Variants in MGMT observed in about 807,000 individuals in gnomAD.
The protein encoded by MGMT is methylated-DNA--protein-cysteine methyltransferase.
Under a neutral mutation model 15.9 loss-of-function variants are expected in MGMT, and 14 were observed. That is an observed-to-expected ratio of 0.88 (90% CI 0.58 to 1.37). The LOEUF (loss-of-function observed/expected upper bound fraction) is 1.37, where lower values mean the gene tolerates loss of function less well. MGMT is among the 40% of genes most tolerant of loss of function. The probability of loss-of-function intolerance (pLI) is 0.00; values close to 1 mark genes in which losing one functional copy is unlikely to be tolerated. For synonymous variants in MGMT, 130 were observed against 118.2 expected (o/e 1.10, Z -0.65); for missense variants, 282 against 268.1 (o/e 1.05, Z -0.36).
At chr10:129,696,860 G>A (rs1009347511) in intron 2 of MGMT, among the ~76,000 whole-genome samples, 2 of 152,342 alleles carry the variant, frequency 1.3e-5, no homozygotes, top group African/African-American at 2.4e-5. Flanking sequence ...CTGTGCATTC[G>A]TCAAGCCATT....
In MGMT at chr10:129,770,863, C is replaced by T. The variant is rs988127074; in HGVS notation, c.*3866C>T. On this transcript the variant is annotated 3_prime_UTR_variant, in exon 5 of 5. Transcript: ENST00000651593. ...GGCAGTGGAGTCCCCGGAAACAGTCCAAGGCCCTGGGGTGGGGGATTTAAA... is the reference window on the plus strand; with the variant it reads ...GGCAGTGGAGTCCCCGGAAACAGTCTAAGGCCCTGGGGTGGGGGATTTAAA... 1.7e-5 allele frequency among the ~76,000 whole-genome samples: 2 copies of T among 119,970 alleles called. No homozygotes were observed. Among genetic ancestry groups the T allele is most frequent in the African/African-American group, 6.9e-5 (2 of 28,914 alleles). 78.7% of individuals were successfully genotyped at this position (119,970 alleles called of 152,430 possible). A position where few individuals can be genotyped will look rare whatever the true frequency, so the allele number is the denominator to read the frequency against.
At chr10:129,759,764 T>C (rs1848851007) in intron 4 of MGMT, among the ~76,000 whole-genome samples, 1 of 152,012 alleles carries the variant, frequency 6.6e-6, no homozygotes, top group African/African-American at 2.4e-5. Flanking sequence ...GCCTGCATCC[T>C]AGCAGGATGG....
chr10:129,491,095 A>G (rs1390206537), intron 1 of MGMT, among the ~76,000 whole-genome samples: 1 of 152,038 alleles, frequency 6.6e-6, no homozygotes, highest in African/African-American at 2.4e-5. Flanking sequence ...CTTGCCCTCC[A>G]GTGCTCTCCA....
At chr10:129,740,289 G>C (rs1848616281) in intron 3 of MGMT, among the ~76,000 whole-genome samples, 1 of 152,126 alleles carries the variant, frequency 6.6e-6, no homozygotes, top group African/African-American at 2.4e-5. Flanking sequence ...TGGGCCTGTG[G>C]AGCCACAGCT....
intron 2 of MGMT, among the ~76,000 whole-genome samples, chr10:129,607,941 G>A (rs1158580387): frequency 1.3e-5 from 2 of 152,204 alleles, no homozygotes; most frequent in Admixed American, 1.3e-4. Context: ...CACATGCGAG[G>A]TTGCCAAATC....
chr10:129,649,548 A>C (rs904609985), intron 2 of MGMT, among the ~76,000 whole-genome samples: 7 of 152,174 alleles, frequency 4.6e-5, no homozygotes, highest in African/African-American at 1.7e-4. Context: ...TGCTTTATGG[A>C]AACTATTAAA....
intron 3 of MGMT, among the ~76,000 whole-genome samples, chr10:129,739,300 T>G (rs1462447931): frequency 6.6e-6 from 1 of 152,192 alleles, no homozygotes; most frequent in South Asian, 2.1e-4. Context: ...AAGTTCTGGC[T>G]AGGGCAATCA....
chr10:129,671,845 G>A (rs1406782082), intron 2 of MGMT, among the ~76,000 whole-genome samples: 1 of 152,192 alleles, frequency 6.6e-6, no homozygotes, highest in Non-Finnish European at 1.5e-5. Context: ...AGAACTGTGT[G>A]TTCACCAGTT....
intron 2 of MGMT, among the ~76,000 whole-genome samples, chr10:129,690,764 G>A (rs1847960671): frequency 6.6e-6 from 1 of 152,188 alleles, no homozygotes. Flanking sequence ...TCAGGGGGAG[G>A]CAAGTTGGCC....
chr10:129,494,964 G>A (rs871027), intron 1 of MGMT, among the ~76,000 whole-genome samples: 14,678 of 152,238 alleles, frequency 0.096, 841 homozygotes, highest in East Asian at 0.28. Flanking sequence ...GCCTGAACAA[G>A]ACACTAAAAA....
chr10:129,722,918 A>C (rs928522311), intron 3 of MGMT, among the ~76,000 whole-genome samples: 2 of 151,090 alleles, frequency 1.3e-5, no homozygotes, highest in African/African-American at 2.4e-5. Flanking sequence ...AGGCATATGA[A>C]TCACTTGAAC....
intron 3 of MGMT, among the ~76,000 whole-genome samples, chr10:129,708,555 C>T (rs1421307961): frequency 6.6e-6 from 1 of 152,182 alleles, no homozygotes; most frequent in Non-Finnish European, 1.5e-5. Flanking sequence ...TAAGAGATGA[C>T]TTGAGAACTT....
chr10:129,643,360 CTT>C (rs1847349854), intron 2 of MGMT, among the ~76,000 whole-genome samples: 2 of 152,266 alleles, frequency 1.3e-5, no homozygotes, highest in South Asian at 4.2e-4. Context: ...AGAAATGTAA[CTT>C]TGAGTTGCAG....
chr10:129,539,003 T>C (rs992446996), intron 2 of MGMT, among the ~76,000 whole-genome samples: 21 of 152,234 alleles, frequency 1.4e-4, no homozygotes, highest in Non-Finnish European at 1.8e-4. Context: ...TTTGTGGTTC[T>C]GGATGTAAGA....
chr10:129,586,078 G>A (rs888972936), intron 2 of MGMT, among the ~76,000 whole-genome samples: 5 of 152,262 alleles, frequency 3.3e-5, no homozygotes, highest in South Asian at 2.1e-4. Flanking sequence ...GGGATGGGGC[G>A]AGATTTCATC....
chr10:129,519,375 C>G (rs183158204), intron 1 of MGMT, among the ~76,000 whole-genome samples: 111 of 152,314 alleles, frequency 7.3e-4, no homozygotes, highest in African/African-American at 2.5e-3. Flanking sequence ...TTCAAGTTAT[C>G]AAGCCACTGA....
chr10:129,522,997 C>T (rs977611706), intron 1 of MGMT, among the ~76,000 whole-genome samples: 2 of 152,248 alleles, frequency 1.3e-5, no homozygotes, highest in African/African-American at 4.8e-5. Flanking sequence ...AGGTTATTTT[C>T]TGCCATGACA....
intron 2 of MGMT, among the ~76,000 whole-genome samples, chr10:129,665,790 G>C (rs1564753399): frequency 1.3e-5 from 2 of 152,192 alleles, no homozygotes; most frequent in African/African-American, 2.4e-5. Context: ...AAAGACAAAG[G>C]CTGTAAAACT....
At chr10:129,597,717 A>G (rs1332877287) in intron 2 of MGMT, among the ~76,000 whole-genome samples, 1 of 152,018 alleles carries the variant, frequency 6.6e-6, no homozygotes, top group African/African-American at 2.4e-5. Flanking sequence ...TGGTTTTTTC[A>G]TTTTTTAAAG....
Sources: allele counts gnomAD v4.1 joint callset (sites outside exome capture counted in the v4.1 genomes callset), GRCh38; gene constraint gnomAD v4.1.1; transcripts MANE v1.5; gene names NCBI Gene and HGNC (gene_info 2026-07-23, HGNC 2026-07-21).